Variants in CFAP299 observed in about 807,000 individuals in gnomAD.
The protein encoded by CFAP299 is cilia and flagella associated protein 299.
A neutral mutation model predicts 27.0 loss-of-function variants in CFAP299; 21 were observed. The ratio of observed to expected loss-of-function variants is 0.78; its 90% CI spans 0.55 to 1.12. CFAP299 has a LOEUF of 1.12. Among genes scored for constraint, CFAP299 ranks in the 50% most tolerant of loss-of-function variants. The pLI is 0.00. For synonymous variants in CFAP299, 104 were observed against 98.1 expected (o/e 1.06, Z -0.36); for missense variants, 310 against 276.6 (o/e 1.12, Z -0.86).
chr4:80,799,309 T>C (rs1346583893), intron 3 of CFAP299, among the ~76,000 whole-genome samples: 115 of 104,242 alleles, frequency 1.1e-3, no homozygotes, highest in Non-Finnish European at 1.5e-3. Context: ...ATATAATATT[T>C]ATATATATAA....
intron 3 of CFAP299, among the ~76,000 whole-genome samples, chr4:80,704,849 T>C (rs1447272750): frequency 6.6e-6 from 1 of 151,840 alleles, no homozygotes; most frequent in East Asian, 1.9e-4. Flanking sequence ...TATATGATTT[T>C]TGTATTATGT....
intron 3 of CFAP299, among the ~76,000 whole-genome samples, chr4:80,822,845 C>T (rs1729778466): frequency 6.6e-6 from 1 of 152,192 alleles, no homozygotes; most frequent in South Asian, 2.1e-4. Flanking sequence ...TTGGCCCACA[C>T]TGCACACTAT....
intron 2 of CFAP299, among the ~76,000 whole-genome samples, chr4:80,454,411 A>T (rs1729049965): frequency 6.6e-6 from 1 of 152,182 alleles, no homozygotes; most frequent in African/African-American, 2.4e-5. Context: ...GACTGCCTGG[A>T]TTGAACATGG....
chr4:80,514,186 A>G (rs1453936298), intron 2 of CFAP299, among the ~76,000 whole-genome samples: 3 of 152,092 alleles, frequency 2.0e-5, no homozygotes, highest in Non-Finnish European at 4.4e-5. Flanking sequence ...AATTCAAAAA[A>G]TAGACCATAT....
chr4:80,414,662 G>A (rs1325162943), intron 2 of CFAP299, among the ~76,000 whole-genome samples: 1 of 152,124 alleles, frequency 6.6e-6, no homozygotes, highest in African/African-American at 2.4e-5. Flanking sequence ...GGGCTGCTAC[G>A]GCTAAAGTAT....
At chr4:80,657,104 G>T (rs1346062972) in intron 3 of CFAP299, among the ~76,000 whole-genome samples, 1 of 151,518 alleles carries the variant, frequency 6.6e-6, no homozygotes, top group East Asian at 1.9e-4. Flanking sequence ...ATTTGTTTAA[G>T]TTCCTTGTAG....
chr4:80,546,145 A>G (rs1241641240), intron 2 of CFAP299, among the ~76,000 whole-genome samples: 1 of 152,170 alleles, frequency 6.6e-6, no homozygotes, highest in Admixed American at 6.5e-5. Flanking sequence ...GTGTCACACT[A>G]AATGGGCAAA....
intron 2 of CFAP299, among the ~76,000 whole-genome samples, chr4:80,494,648 ACTT>A (rs1731343556): frequency 1.3e-5 from 2 of 151,952 alleles, no homozygotes; most frequent in Admixed American, 1.3e-4. Flanking sequence ...TTTTCCCTCT[ACTT>A]AGATTGTTCT....
chr4:80,753,059 G>A (rs992688327), intron 3 of CFAP299, among the ~76,000 whole-genome samples: 4 of 151,854 alleles, frequency 2.6e-5, no homozygotes, highest in African/African-American at 9.7e-5. Context: ...TTTTATAAAT[G>A]CCTTCCCTTA....
intron 2 of CFAP299, among the ~76,000 whole-genome samples, chr4:80,405,695 T>A (rs1005302655): frequency 8.5e-5 from 13 of 152,064 alleles, no homozygotes; most frequent in African/African-American, 3.1e-4. Flanking sequence ...TTTAAGCACA[T>A]CCTTCTGCAA....
intron 2 of CFAP299, among the ~76,000 whole-genome samples, chr4:80,527,185 C>A (rs184539914): frequency 6.6e-6 from 1 of 152,100 alleles, no homozygotes; most frequent in Non-Finnish European, 1.5e-5. Context: ...GAAATGTGCT[C>A]CTCAGTACCA....
At chr4:80,921,128 G>A (rs968075659) in intron 4 of CFAP299, among the ~76,000 whole-genome samples, 2 of 151,968 alleles carry the variant, frequency 1.3e-5, no homozygotes, top group African/African-American at 4.8e-5. Context: ...GAACAGTTCG[G>A]TATACTCTCG....
At chr4:80,752,467 A>G (rs1368053105) in intron 3 of CFAP299, among the ~76,000 whole-genome samples, 2 of 147,952 alleles carry the variant, frequency 1.4e-5, no homozygotes, top group Non-Finnish European at 3.0e-5. Context: ...AATACAATAT[A>G]TATATTTCAT....
At chr4:80,712,039 G>A (rs1337863309) in intron 3 of CFAP299, among the ~76,000 whole-genome samples, 4 of 152,138 alleles carry the variant, frequency 2.6e-5, no homozygotes, top group Non-Finnish European at 5.9e-5. Flanking sequence ...TACTTACCTA[G>A]CTCATGATGT....
At chr4:80,439,223 G>T (rs1728231873) in intron 2 of CFAP299, among the ~76,000 whole-genome samples, 1 of 152,138 alleles carries the variant, frequency 6.6e-6, no homozygotes, top group South Asian at 2.1e-4. Context: ...TTAGTTTGTT[G>T]CTTACTCTAA....
chr4:80,667,691 T>C (rs1741211781), intron 3 of CFAP299, among the ~76,000 whole-genome samples: 1 of 152,154 alleles, frequency 6.6e-6, no homozygotes, highest in South Asian at 2.1e-4. Flanking sequence ...ATTCTATTTG[T>C]ATATATACAA....
chr4:80,430,882 G>T (rs886332474), intron 2 of CFAP299, among the ~76,000 whole-genome samples: 4 of 152,116 alleles, frequency 2.6e-5, no homozygotes, highest in Non-Finnish European at 4.4e-5. Flanking sequence ...CCTCTTTGCT[G>T]TTCCTTTGGT....
chr4:80,778,542 G>T (rs1048108135), intron 3 of CFAP299, among the ~76,000 whole-genome samples: 1 of 151,832 alleles, frequency 6.6e-6, no homozygotes, highest in African/African-American at 2.4e-5. Context: ...GAAAATTACT[G>T]GTTTACTACC....
At chr4:80,726,250 C>A (rs1350016126) in intron 3 of CFAP299, among the ~76,000 whole-genome samples, 2 of 152,074 alleles carry the variant, frequency 1.3e-5, no homozygotes, top group Non-Finnish European at 2.9e-5. Context: ...GTAGCTTAAA[C>A]TTTTTCTCTA....
Sources: gnomAD v4.1 joint callset for allele counts (sites outside exome capture counted in the v4.1 genomes callset) on GRCh38, gnomAD v4.1.1 for gene constraint, MANE v1.5 for transcripts, NCBI Gene and HGNC (gene_info 2026-07-23, HGNC 2026-07-21) for gene names.